NRG3: variants seen among roughly 807,000 people sequenced by gnomAD.
NRG3 encodes the protein neuregulin 3.
In NRG3, 31 loss-of-function variants were observed where a neutral mutation model predicts 66.9. The ratio of observed to expected loss-of-function variants is 0.46; its 90% CI spans 0.35 to 0.63. NRG3 has a LOEUF of 0.63. Ranked by LOEUF, NRG3 falls within the 20% of genes least tolerant of loss-of-function variation. NRG3 has a pLI of 0.00. For missense variants in NRG3, 910 were observed against 878.9 expected, an observed-to-expected ratio of 1.04 and a Z score of -0.45; for synonymous variants, 393 against 359.4, an observed-to-expected ratio of 1.09 and a Z score of -1.06.
At chr10:82,314,568 G>A (rs2081196617) in intron 1 of NRG3, among the ~76,000 whole-genome samples, 1 of 152,128 alleles carries the variant, frequency 6.6e-6, no homozygotes, top group South Asian at 2.1e-4. Context: ...CAGCACTTTG[G>A]GAGGCCGAGG....
intron 3 of NRG3, among the ~76,000 whole-genome samples, chr10:82,853,809 C>T (rs1466458400): frequency 3.3e-5 from 5 of 152,074 alleles, no homozygotes; most frequent in Non-Finnish European, 7.4e-5. Context: ...TGTCTGATTG[C>T]TCTGGTTAGG....
At chr10:82,708,598 A>G (rs1405504735) in intron 2 of NRG3, among the ~76,000 whole-genome samples, 1 of 152,122 alleles carries the variant, frequency 6.6e-6, no homozygotes, top group African/African-American at 2.4e-5. Context: ...TGATCATCCC[A>G]TCTGATGCAC....
chr10:82,821,610 T>G (rs2061959348), intron 3 of NRG3, among the ~76,000 whole-genome samples: 1 of 152,132 alleles, frequency 6.6e-6, no homozygotes, highest in South Asian at 2.1e-4. Context: ...AAGTGACATT[T>G]ATAAGTGGCC....
Position 82,872,160 on chromosome 10 carries a change from G to A in NRG3, c.1054+6723G>A, listed in dbSNP as rs1591791980. Among the ~76,000 whole-genome samples the A allele has an allele frequency of 2.0e-5, 3 of 151,996 alleles. No individual in the cohort carries two copies. In the South Asian group the frequency reaches 6.2e-4, roughly 31 times the overall value. ...GTCAAATGCTTTCTTTAAATCTATT[G>A]ATATGATCGTGTGATTTTTTTAGTC... On this transcript the variant is annotated intron_variant, in intron 4 of 8. Transcript: ENST00000372141.
intron 1 of NRG3, among the ~76,000 whole-genome samples, chr10:81,940,641 G>A (rs1848330011): frequency 6.6e-6 from 1 of 152,022 alleles, no homozygotes; most frequent in Non-Finnish European, 1.5e-5. Flanking sequence ...TTTAAGGAGT[G>A]TTTGCAGAAG....
chr10:82,979,073 A>G lies in NRG3; in HGVS notation c.1536A>G (p.Gln512=), dbSNP rs1589234042. 1.9e-6 allele frequency: 3 copies of G among 1,614,028 alleles called. No individual in the cohort carries two copies. The African/African-American group carries it at 4.0e-5, about 22-fold the overall frequency. ...GAATTGTGGGACCAGCATATCAGCA[A>G]CTCGAAGAATCAAGGATCCCAGACC... The part of the protein sequence containing the change: ...LGGIVGPAYQ[Q]LEESRIPDQD... Residue 512 remains glutamine, a synonymous_variant, in exon 8 of 9, where the codon CAA becomes CAG. Transcript: ENST00000372141.
At chr10:82,395,916 A>G (rs906522632) in intron 2 of NRG3, among the ~76,000 whole-genome samples, 1 of 152,258 alleles carries the variant, frequency 6.6e-6, no homozygotes, top group African/African-American at 2.4e-5. Context: ...GAGAAATAAA[A>G]AAATAGAAAG....
At chr10:82,555,448 A>T (rs1342597904) in intron 2 of NRG3, among the ~76,000 whole-genome samples, 1 of 152,214 alleles carries the variant, frequency 6.6e-6, no homozygotes, top group African/African-American at 2.4e-5. Context: ...TCATTTTTAT[A>T]CTGTAAAGAA....
At chr10:82,069,365 C>T (rs891886874) in intron 1 of NRG3, among the ~76,000 whole-genome samples, 1 of 152,128 alleles carries the variant, frequency 6.6e-6, no homozygotes, top group Non-Finnish European at 1.5e-5. Context: ...TGTGAGGTGG[C>T]GCCTGGTTTC....
At chr10:82,308,071 G>A (rs980543215) in intron 1 of NRG3, among the ~76,000 whole-genome samples, 16 of 151,618 alleles carry the variant, frequency 1.1e-4, no homozygotes, top group Non-Finnish European at 2.1e-4. Flanking sequence ...TTAGTTTGAG[G>A]GCTACTTCCT....
At chr10:82,462,236 G>A (rs1338548893) in intron 2 of NRG3, among the ~76,000 whole-genome samples, 1 of 152,086 alleles carries the variant, frequency 6.6e-6, no homozygotes, top group East Asian at 1.9e-4. Flanking sequence ...AGAAAAGTGT[G>A]AGACTTTGAA....
At chr10:82,954,165 G>GC in intron 5 of NRG3, among the ~76,000 whole-genome samples, 1 of 151,982 alleles carries the variant, frequency 6.6e-6, no homozygotes, top group South Asian at 2.1e-4. Flanking sequence ...GTGTCTCCCT[G>GC]CTAGAGCTTT....
At chr10:82,660,272 A>G (rs969302128) in intron 2 of NRG3, among the ~76,000 whole-genome samples, 1 of 149,660 alleles carries the variant, frequency 6.7e-6, no homozygotes, top group Non-Finnish European at 1.5e-5. Flanking sequence ...ACTGCAATAG[A>G]TAAAATAAAT....
At chr10:82,386,737 G>A (rs577942878) in intron 2 of NRG3, among the ~76,000 whole-genome samples, 1 of 152,224 alleles carries the variant, frequency 6.6e-6, no homozygotes, top group Non-Finnish European at 1.5e-5. Context: ...CTTGGAGGCT[G>A]TTATTCTAAA....
chr10:82,400,914 T>G (rs1175703297), intron 2 of NRG3, among the ~76,000 whole-genome samples: 2 of 152,104 alleles, frequency 1.3e-5, no homozygotes, highest in Non-Finnish European at 2.9e-5. Flanking sequence ...AAACTGTTAT[T>G]TGTTTAGTTC....
At chr10:82,685,969 A>G (rs1331824400) in intron 2 of NRG3, among the ~76,000 whole-genome samples, 1 of 152,138 alleles carries the variant, frequency 6.6e-6, no homozygotes, top group Non-Finnish European at 1.5e-5. Context: ...TATGATAACA[A>G]TGCCTTCTCA....
At chr10:82,288,137 TCTTA>T (rs1446410858) in intron 1 of NRG3, among the ~76,000 whole-genome samples, 2 of 152,218 alleles carry the variant, frequency 1.3e-5, no homozygotes, top group African/African-American at 2.4e-5. Flanking sequence ...TGTGAATTTC[TCTTA>T]CTATCTGAAT....
intron 1 of NRG3, among the ~76,000 whole-genome samples, chr10:82,084,263 G>A (rs963889482): frequency 6.6e-6 from 1 of 151,760 alleles, no homozygotes; most frequent in Non-Finnish European, 1.5e-5. Flanking sequence ...TACTAGTAAG[G>A]GCACATTCAA....
At chr10:82,648,719 C>CA (rs1384201039) in intron 2 of NRG3, among the ~76,000 whole-genome samples, 1 of 152,148 alleles carries the variant, frequency 6.6e-6, no homozygotes, top group African/African-American at 2.4e-5. Flanking sequence ...AGAGGTCCTT[C>CA]ACGTCCCTTG....
Sources: allele counts gnomAD v4.1 joint callset (sites outside exome capture counted in the v4.1 genomes callset), GRCh38; gene constraint gnomAD v4.1.1; transcripts MANE v1.5; gene names NCBI Gene and HGNC (gene_info 2026-07-23, HGNC 2026-07-21).